The following ESR1 variants were observed in gnomAD, a reference collection of about 807,000 sequenced individuals.
ESR1 encodes estrogen receptor 1.
A neutral mutation model predicts 52.7 loss-of-function variants in ESR1; 12 were observed. The observed-to-expected ratio is 0.23, with a 90% CI of 0.15 to 0.37. The LOEUF (loss-of-function observed/expected upper bound fraction) is 0.37. Among genes scored for constraint, ESR1 ranks in the 10% least tolerant of loss-of-function variants. The pLI is 1.00. For synonymous variants in ESR1, 305 were observed against 316.8 expected (o/e 0.96, Z 0.39); for missense variants, 584 against 779.7 (o/e 0.75, Z 2.99).
At chr6:151,928,433 T>C (rs2033090906) in intron 3 of ESR1, among the ~76,000 whole-genome samples, 1 of 152,184 alleles carries the variant, frequency 6.6e-6, no homozygotes, top group African/African-American at 2.4e-5. Flanking sequence ...GTGAGAGTAT[T>C]GTTCCATATA....
intron 6 of ESR1, among the ~76,000 whole-genome samples, chr6:152,063,965 G>A (rs878923007): frequency 6.6e-6 from 1 of 152,204 alleles, no homozygotes; most frequent in Non-Finnish European, 1.5e-5. Context: ...TGTCTTTCTG[G>A]AAGTTTGGAG....
At chr6:151,850,962 C>T (rs1311479784) in intron 2 of ESR1, among the ~76,000 whole-genome samples, 1 of 152,162 alleles carries the variant, frequency 6.6e-6, no homozygotes, top group East Asian at 1.9e-4. Context: ...GCGAGACATT[C>T]TGCACATTGC....
At chr6:151,704,522 T>G (rs1359038569) in intron 2 of ESR1, among the ~76,000 whole-genome samples, 1 of 152,222 alleles carries the variant, frequency 6.6e-6, no homozygotes, top group Non-Finnish European at 1.5e-5. Flanking sequence ...CCCAAAGTGT[T>G]GGGATTACAG....
At chr6:151,728,138 G>A (rs1310377281) in intron 2 of ESR1, among the ~76,000 whole-genome samples, 2 of 152,140 alleles carry the variant, frequency 1.3e-5, no homozygotes, top group Admixed American at 6.5e-5. Context: ...TGCCTGGTTT[G>A]AAGTGCCAGT....
At chr6:151,669,578 T>C (rs2115244761) in intron 1 of ESR1, among the ~76,000 whole-genome samples, 1 of 152,242 alleles carries the variant, frequency 6.6e-6, no homozygotes, top group Middle Eastern at 3.4e-3. Context: ...AATGTGGATC[T>C]TGGGGTTGGC....
intron 3 of ESR1, among the ~76,000 whole-genome samples, chr6:151,892,348 G>A (rs1482490062): frequency 6.6e-6 from 1 of 152,166 alleles, no homozygotes; most frequent in African/African-American, 2.4e-5. Flanking sequence ...TACATTTCAA[G>A]CTCAATTTAG....
chr6:151,726,869 G>A (rs1042850233), intron 2 of ESR1, among the ~76,000 whole-genome samples: 21 of 151,900 alleles, frequency 1.4e-4, no homozygotes, highest in African/African-American at 5.1e-4. Flanking sequence ...TTGACCTACT[G>A]CATTGACTAG....
At chr6:151,802,692 A>G (rs912212098), upstream of ESR1, among the ~76,000 whole-genome samples, 2 of 152,236 alleles carry the variant, frequency 1.3e-5, no homozygotes, top group Admixed American at 1.3e-4. Flanking sequence ...TCTTCTAGCA[A>G]AAACAGTTTT....
intron 6 of ESR1, among the ~76,000 whole-genome samples, chr6:152,071,950 A>T (rs542914025): frequency 6.6e-6 from 1 of 152,336 alleles, no homozygotes; most frequent in East Asian, 1.9e-4. Context: ...CTTCATACAT[A>T]TTGCCTACTG....
At chr6:152,011,195 C>T (rs559278557) in intron 4 of ESR1, among the ~76,000 whole-genome samples, 23 of 151,994 alleles carry the variant, frequency 1.5e-4, no homozygotes, top group African/African-American at 2.4e-4. Context: ...GATTTAGGGA[C>T]GAAGCAAAGA....
chr6:152,032,353 C>T lies in ESR1; in HGVS notation c.1235+20559C>T, dbSNP rs1222460305. Among the ~76,000 whole-genome samples the T allele has an allele frequency of 2.0e-5, 3 of 152,178 alleles. No homozygotes were observed. In the East Asian group the frequency reaches 5.8e-4, roughly 29 times the overall value. On this transcript the variant is annotated intron_variant, in intron 5 of 7. Coordinates refer to ENST00000206249, the MANE Select transcript of ESR1 (RefSeq NM_000125.4). ...TTAGGAAAAGAGGAAGTCAAATTGT[C>T]CCTGTTTGCAGATGACATGATTGCA...
rs1780296202 is a variant in ESR1, at chr6:151,707,786, A to C, written c.-71+5781A>C. ...TTCTCTTTAAAAATTCCAAGCAAAAATTTTTCAAAATCCCATCTAGAAATC... is the reference window on the plus strand; with the variant it reads ...TTCTCTTTAAAAATTCCAAGCAAAACTTTTTCAAAATCCCATCTAGAAATC... On this transcript the variant is annotated intron_variant, in intron 2 of 2. Coordinates refer to the ESR1 transcript ENST00000404742. 2.0e-5 allele frequency among the ~76,000 whole-genome samples: 3 copies of C among 151,992 alleles called. No individual in the cohort carries two copies. The South Asian group carries it at 6.2e-4, about 31-fold the overall frequency.
chr6:152,122,958 C>T (rs2051878610), intron 6 of ESR1, among the ~76,000 whole-genome samples: 1 of 152,236 alleles, frequency 6.6e-6, no homozygotes, highest in South Asian at 2.1e-4. Context: ...GAAACATTTT[C>T]TATCAACGAA....
At chr6:151,854,382 A>G (rs193199098) in intron 2 of ESR1, among the ~76,000 whole-genome samples, 2 of 152,306 alleles carry the variant, frequency 1.3e-5, no homozygotes, top group Non-Finnish European at 2.9e-5. Flanking sequence ...AGAAAAGAAC[A>G]TAGTGGGGAA....
chr6:151,680,449 C>G lies in ESR1; in HGVS notation n.74-21426C>G, dbSNP rs532225022. Among the ~76,000 whole-genome samples, 4 of 152,278 alleles carry G rather than the reference C, an allele frequency of 2.6e-5. No individual in the cohort carries two copies. In the South Asian group the frequency reaches 8.3e-4, roughly 32 times the overall value. On this transcript the variant is annotated intron_variant and non_coding_transcript_variant, in intron 1 of 2. Transcript: ENST00000473497. ...GAACTCCTGACCTCAAGTGATCCAC[C>G]TACCTCGACCTCCCAAAATGCTGGG...
intron 1 of ESR1, among the ~76,000 whole-genome samples, chr6:151,839,765 G>C (rs1436722993): frequency 6.6e-6 from 1 of 152,116 alleles, no homozygotes; most frequent in Non-Finnish European, 1.5e-5. Context: ...CATTCACAGA[G>C]AACAAAAGTA....
chr6:152,082,369 T>C (rs1055800538), intron 6 of ESR1, among the ~76,000 whole-genome samples: 1 of 152,220 alleles, frequency 6.6e-6, no homozygotes, highest in African/African-American at 2.4e-5. Context: ...AACCACATGA[T>C]TATCTCAATA....
intron 1 of ESR1, among the ~76,000 whole-genome samples, chr6:151,684,612 A>G (rs573547253): frequency 6.6e-6 from 1 of 152,370 alleles, no homozygotes; most frequent in African/African-American, 2.4e-5. Context: ...TGCAGTTCTT[A>G]TAATCCAAAC....
intron 2 of ESR1, among the ~76,000 whole-genome samples, chr6:151,716,584 G>A (rs1781055613): frequency 6.6e-6 from 1 of 152,156 alleles, no homozygotes; most frequent in African/African-American, 2.4e-5. Context: ...GCTGAGCTGC[G>A]ATGTGCTTCA....
Sources: allele counts gnomAD v4.1 joint callset (sites outside exome capture counted in the v4.1 genomes callset), GRCh38; gene constraint gnomAD v4.1.1; transcripts MANE v1.5; gene names NCBI Gene and HGNC (gene_info 2026-07-23, HGNC 2026-07-21).